The following COL24A1 variants were observed in gnomAD, a reference collection of about 807,000 sequenced individuals.
COL24A1 encodes the protein collagen alpha-1(XXIV) chain.
COL24A1 carries 224 observed loss-of-function variants against 253.9 expected under a neutral mutation model. The ratio of observed to expected loss-of-function variants is 0.88; its 90% CI spans 0.79 to 0.99. The LOEUF (loss-of-function observed/expected upper bound fraction) is 0.99, where lower values mean the gene tolerates loss of function less well. Ranked by LOEUF, COL24A1 falls within the 50% of genes least tolerant of loss-of-function variation. The pLI, the probability that COL24A1 is intolerant of heterozygous loss-of-function variation, is 0.00. For synonymous variants in COL24A1, 685 were observed against 673.7 expected (o/e 1.02, Z -0.26); for missense variants, 2,131 against 2,068.5 (o/e 1.03, Z -0.59).
At position 85,987,623 on chromosome 1, in the gene COL24A1, T is replaced by C. The variant is rs768217898; in HGVS notation, c.2342A>G (p.Gln781Arg). The C allele has an allele frequency of 6.2e-7, 1 of 1,611,088 alleles. No homozygotes were observed. The highest frequency in any genetic ancestry group is 8.5e-7 in the Non-Finnish European group (1 of 1,178,152). Reference protein sequence around the residue: ...GFPGDIGIPGQNGPEGPKGLL... With the variant: ...GFPGDIGIPGRNGPEGPKGLL... ...TACCTTTGGTCCTTCAGGGCCGTTT[T>C]GTCCAGGAATCCCAATATCTCCTGG... Residue 781 changes from glutamine to arginine, a missense_variant, in exon 20 of 60, where the codon CAA becomes CGA. Coordinates refer to ENST00000370571, the MANE Select transcript of COL24A1 (RefSeq NM_152890.7).
chr1:86,043,327 T>A (rs1699646468), intron 12 of COL24A1, among the ~76,000 whole-genome samples: 1 of 151,854 alleles, frequency 6.6e-6, no homozygotes, highest in Admixed American at 6.6e-5. Flanking sequence ...AATAATTATA[T>A]ACACCTTCTA....
chr1:85,912,671 T>C (rs896180031), intron 24 of COL24A1, among the ~76,000 whole-genome samples: 1 of 152,188 alleles, frequency 6.6e-6, no homozygotes, highest in Non-Finnish European at 1.5e-5. Context: ...CCAGCAGATA[T>C]AGTATTATCA....
At chr1:86,108,345 G>T (rs1705194159) in intron 5 of COL24A1, among the ~76,000 whole-genome samples, 1 of 151,880 alleles carries the variant, frequency 6.6e-6, no homozygotes, top group African/African-American at 2.4e-5. Context: ...TCAAATATTG[G>T]CTTCTCAATA....
At position 85,781,391 on chromosome 1, in the gene COL24A1, T is replaced by C. The variant is rs1243549234; in HGVS notation, c.4285-118A>G. 5 of 635,942 alleles carry C rather than the reference T, an allele frequency of 7.9e-6. No individual in the cohort carries two copies. The Admixed American group carries it at 9.0e-5, about 11-fold the overall frequency. 39.4% of individuals were successfully genotyped at this position (635,942 alleles called of 1,614,324 possible). On this transcript the variant is annotated intron_variant, in intron 51 of 59. Coordinates refer to ENST00000370571, the MANE Select transcript of COL24A1 (RefSeq NM_152890.7). ...GTCTACATAATTATCCTTTTTAGTA[T>C]AAAAGCTTACAGTATTAGCATAAAT... is the stretch of plus-strand genomic sequence containing the variant.
chr1:85,757,808 T>A (rs561370105), intron 55 of COL24A1, among the ~76,000 whole-genome samples: 2 of 152,206 alleles, frequency 1.3e-5, no homozygotes, highest in Admixed American at 6.5e-5. Context: ...TGGGAAGTCA[T>A]TCAGTCACAT....
At chr1:86,137,272 G>T (rs1650393893) in intron 2 of COL24A1, among the ~76,000 whole-genome samples, 1 of 151,998 alleles carries the variant, frequency 6.6e-6, no homozygotes. Context: ...CACTATATTA[G>T]GTGCTTTACA....
chr1:85,901,824 C>CAAAAAAAAAAAAAA (rs55862441), intron 28 of COL24A1, among the ~76,000 whole-genome samples: 10 of 57,792 alleles, frequency 1.7e-4, no homozygotes, highest in South Asian at 9.6e-4. Flanking sequence ...GACTCCGTCT[C>CAAAAAAAAAAAAAA]AAAAAAAAAA....
chr1:86,040,912 C>T (rs1272417535), intron 12 of COL24A1, among the ~76,000 whole-genome samples: 3 of 152,124 alleles, frequency 2.0e-5, no homozygotes, highest in Non-Finnish European at 2.9e-5. Flanking sequence ...AAATTCTCCA[C>T]AAAATGTATG....
In COL24A1 at chr1:85,873,679, C is replaced by T. The variant is rs1005702523; in HGVS notation, c.3138+970G>A. ...CAGGAAGGGGAACATCACACACTGT[C>T]GTGGGGTAGGGGAGGGGGAAGGGAT... On this transcript the variant is annotated intron_variant, in intron 35 of 59. Coordinates refer to ENST00000370571, the MANE Select transcript of COL24A1 (RefSeq NM_152890.7). 2.6e-5 allele frequency among the ~76,000 whole-genome samples: 4 copies of T among 150,964 alleles called. No homozygotes were observed. In the East Asian group the frequency reaches 5.9e-4, roughly 22 times the overall value.
chr1:85,818,120 G>A (rs780366660), intron 45 of COL24A1, 33 bp from the exon 46 acceptor site: 2 of 1,566,580 alleles, frequency 1.3e-6, no homozygotes, highest in South Asian at 2.2e-5. Flanking sequence ...TCAATTGACT[G>A]TAATAATCTT....
chr1:85,981,876 C>G (rs938032167), intron 20 of COL24A1, among the ~76,000 whole-genome samples: 4 of 152,100 alleles, frequency 2.6e-5, no homozygotes, highest in Non-Finnish European at 4.4e-5. Context: ...AACAGGATCT[C>G]GCAGGAGTGC....
intron 57 of COL24A1, among the ~76,000 whole-genome samples, chr1:85,742,170 G>C (rs1425251090): frequency 1.5e-5 from 2 of 137,402 alleles, no homozygotes; most frequent in African/African-American, 5.4e-5. Flanking sequence ...GTCTCACTCT[G>C]TGGCCAGGCT....
intron 19 of COL24A1, among the ~76,000 whole-genome samples, chr1:85,993,422 T>C (rs1694478454): frequency 6.9e-6 from 1 of 145,264 alleles, no homozygotes; most frequent in Non-Finnish European, 1.5e-5. Context: ...AAATGTCTTA[T>C]GCTAAGTGAA....
At chr1:85,735,488 T>C (rs1410883092) in intron 58 of COL24A1, among the ~76,000 whole-genome samples, 1 of 152,130 alleles carries the variant, frequency 6.6e-6, no homozygotes, top group African/African-American at 2.4e-5. Flanking sequence ...GCTGTAACAA[T>C]AATTTGGTTG....
chr1:85,908,621 G>T lies in COL24A1; in HGVS notation c.2701C>A (p.Pro901Thr). 1 of 1,479,532 alleles carries T rather than the reference G, an allele frequency of 6.8e-7. No individual in the cohort carries two copies. The highest frequency in any genetic ancestry group is 9.1e-7 in the Non-Finnish European group (1 of 1,102,784). The allele number at this position is 1,479,532 out of a possible 1,614,324, so 91.7% of individuals were successfully genotyped here. A position where few individuals can be genotyped will look rare whatever the true frequency, so the allele number is the denominator to read the frequency against. The change falls in exon 27 of 60, where the codon CCT (proline) becomes ACT (threonine). Residue 901 changes from proline (P) to threonine (T), a missense_variant. Coordinates refer to ENST00000370571, the MANE Select transcript of COL24A1 (RefSeq NM_152890.7). The stretch of plus-strand genomic sequence containing the variant: ...ACAGGTAATCCCAATGGACCGATAG[G>T]TCCTGGAACCCCAGGAGGACCTGGA... ...GYPGPPGVPG[P>T]IGPLGLPGHV...
intron 35 of COL24A1, 97 bp downstream of exon 35, chr1:85,874,552 G>C: frequency 9.2e-7 from 1 of 1,083,888 alleles, no homozygotes; most frequent in Non-Finnish European, 1.3e-6. Flanking sequence ...TATCAGAAAG[G>C]TTTATTATCC....
intron 3 of COL24A1, among the ~76,000 whole-genome samples, chr1:86,123,625 G>C (rs1237141924): frequency 6.6e-6 from 1 of 151,930 alleles, no homozygotes; most frequent in Non-Finnish European, 1.5e-5. Context: ...ATGCTCATCT[G>C]ATCAGACTGA....
At chr1:85,926,495 G>T (rs192290387) in intron 24 of COL24A1, among the ~76,000 whole-genome samples, 1 of 152,264 alleles carries the variant, frequency 6.6e-6, no homozygotes, top group Non-Finnish European at 1.5e-5. Flanking sequence ...GCCATAAAAA[G>T]GGTGAGTTCA....
chr1:85,757,711 A>AT (rs1666413234), intron 55 of COL24A1, among the ~76,000 whole-genome samples: 1 of 152,178 alleles, frequency 6.6e-6, no homozygotes, highest in African/African-American at 2.4e-5. Context: ...ATAGCAGTCA[A>AT]TCAATTTGTT....
Sources: allele counts gnomAD v4.1 joint callset (sites outside exome capture counted in the v4.1 genomes callset), GRCh38; gene constraint gnomAD v4.1.1; transcripts MANE v1.5; gene names NCBI Gene and HGNC (gene_info 2026-07-23, HGNC 2026-07-21).